Variants in DOCK1 observed in about 807,000 individuals in gnomAD.
The protein encoded by DOCK1 is dedicator of cytokinesis 1, also known as dedicator of cytokinesis protein 1.
In DOCK1, 138 loss-of-function variants were observed where a neutral mutation model predicts 262.7. That is an observed-to-expected ratio of 0.53 (90% CI 0.46 to 0.61). The LOEUF (loss-of-function observed/expected upper bound fraction) is 0.61, where lower values mean the gene tolerates loss of function less well. Among genes scored for constraint, DOCK1 ranks in the 20% least tolerant of loss-of-function variants. The pLI is 0.00. For missense variants in DOCK1, 1,908 were observed against 2,370.7 expected (o/e 0.80, Z 4.05); for synonymous variants, 866 against 867.4 (o/e 1.00, Z 0.03).
intron 39 of DOCK1, 69 bp downstream of exon 39, chr10:127,403,213 T>C: frequency 6.7e-7 from 1 of 1,483,804 alleles, no homozygotes; most frequent in Non-Finnish European, 9.2e-7. Context: ...GAATCTCTCT[T>C]TCCATGTCAA....
intron 23 of DOCK1, among the ~76,000 whole-genome samples, chr10:127,085,647 A>G (rs989344722): frequency 2.6e-5 from 4 of 152,058 alleles, no homozygotes; most frequent in East Asian, 1.9e-4. Context: ...AGTCTCAGCT[A>G]CTGGGGCGGC....
chr10:127,037,903 G>A, intron 19 of DOCK1, 87 bp downstream of exon 19: 1 of 1,074,824 alleles, frequency 9.3e-7, no homozygotes, highest in Non-Finnish European at 1.3e-6. Flanking sequence ...TGACTTCAAA[G>A]GTAGTATAGG....
intron 29 of DOCK1, among the ~76,000 whole-genome samples, chr10:127,270,747 A>G (rs2060532634): frequency 6.6e-6 from 1 of 151,968 alleles, no homozygotes. Flanking sequence ...TGTTCATTCT[A>G]CCTTTTTACA....
chr10:127,263,190 G>A (rs2060234432), intron 29 of DOCK1, among the ~76,000 whole-genome samples: 1 of 152,196 alleles, frequency 6.6e-6, no homozygotes, highest in Non-Finnish European at 1.5e-5. Flanking sequence ...ACCTTTAGAA[G>A]TGTATGCACC....
chr10:126,908,091 G>A lies in DOCK1; in HGVS notation c.46+2528G>A, dbSNP rs373619649. Among the ~76,000 whole-genome samples, 733 of 152,070 alleles carry A rather than the reference G, an allele frequency of 4.8e-3. 9 individuals are homozygous for A. The highest frequency in any genetic ancestry group is 0.032 in the South Asian group (152 of 4,810). On this transcript the variant is annotated intron_variant, in intron 1 of 51. Transcript: ENST00000623213. The stretch of plus-strand genomic sequence containing the variant: ...AGTAATGAGACAGCACCACTCCATC[G>A]GCATCCAGAGGCACTTTAACCAGAG...
chr10:127,263,994 G>A (rs559875684), intron 29 of DOCK1, among the ~76,000 whole-genome samples: 73 of 152,286 alleles, frequency 4.8e-4, no homozygotes, highest in East Asian at 1.2e-3. Flanking sequence ...CGAAGAAACC[G>A]TTTCTTATTA....
rs1415893961 is a variant in DOCK1, at chr10:127,409,045, T to G, written c.4131T>G (p.Val1377=). 3.2e-6 allele frequency: 5 copies of G among 1,583,516 alleles called. No homozygotes were observed. Among genetic ancestry groups the G allele is most frequent in the Non-Finnish European group, 4.3e-6 (5 of 1,163,580 alleles). The change falls in exon 41 of 52, where the codon GTT becomes GTG. Residue 1377 remains valine, a synonymous_variant. Transcript: ENST00000623213. ...AATGTCACCCTTTTCAGGGAAAAGT[T>G]TTCATTTACCGAGGGAAAGAGTATG... ...QGFPTFLRGK[V]FIYRGKEYER...
intron 29 of DOCK1, among the ~76,000 whole-genome samples, chr10:127,285,622 G>T (rs1304677062): frequency 6.6e-6 from 1 of 152,204 alleles, no homozygotes; most frequent in East Asian, 1.9e-4. Context: ...CCTTAGCAGG[G>T]AGCCATGTCC....
chr10:127,074,113 T>C (rs2046383652), intron 23 of DOCK1, among the ~76,000 whole-genome samples: 1 of 152,254 alleles, frequency 6.6e-6, no homozygotes, highest in Admixed American at 6.5e-5. Flanking sequence ...AGCTCTGTTA[T>C]ATTGAATACT....
intron 32 of DOCK1, among the ~76,000 whole-genome samples, chr10:127,359,441 G>A (rs1031005009): frequency 6.6e-6 from 1 of 152,142 alleles, no homozygotes; most frequent in Non-Finnish European, 1.5e-5. Flanking sequence ...ACTTTATGAC[G>A]CTGAAATTGT....
chr10:127,284,040 C>A (rs1476331026), intron 29 of DOCK1, among the ~76,000 whole-genome samples: 1 of 152,136 alleles, frequency 6.6e-6, no homozygotes, highest in Non-Finnish European at 1.5e-5. Flanking sequence ...TTTATTTTTA[C>A]TGAATTTTCA....
chr10:127,088,033 A>T (rs2047299801), intron 23 of DOCK1, among the ~76,000 whole-genome samples: 1 of 152,164 alleles, frequency 6.6e-6, no homozygotes, highest in African/African-American at 2.4e-5. Context: ...TTTGCTCTAA[A>T]TCATCTTTTA....
Position 127,343,721 on chromosome 10 carries a change from G to T in DOCK1, c.3199G>T (p.Ala1067Ser). 6.2e-7 allele frequency: 1 copy of T among 1,608,922 alleles called. No individual in the cohort carries two copies. Among genetic ancestry groups the T allele is most frequent in the Non-Finnish European group, 8.5e-7 (1 of 1,177,744 alleles). The change falls in exon 31 of 52, where the codon GCC (alanine) becomes TCC (serine). Residue 1067 changes from alanine to serine, a missense_variant. This residue lies in a region of DOCK1 where 518 missense variants were observed against 575.1 expected (regional missense o/e 0.90). Transcript: ENST00000623213. ...ESLQLENFSS[A>S]KRAKILNKYG... ...CCTGCAACTGGAGAATTTTTCAAGT[G>T]CCAAGAGAGCCAAAATCCTTAACAA... is the stretch of plus-strand genomic sequence containing the variant.
chr10:127,129,780 A>C (rs1017860197), intron 27 of DOCK1, among the ~76,000 whole-genome samples: 9 of 152,174 alleles, frequency 5.9e-5, no homozygotes, highest in African/African-American at 2.2e-4. Flanking sequence ...GGGCGGACTT[A>C]GAGAGGCTGG....
chr10:127,261,884 GC>G (rs1324647800), intron 29 of DOCK1, among the ~76,000 whole-genome samples: 2 of 129,558 alleles, frequency 1.5e-5, no homozygotes, highest in Non-Finnish European at 3.3e-5. Flanking sequence ...GTGTACCCGT[GC>G]TCATCTGTGT....
chr10:127,342,065 T>TTGCTGC (rs1317169392), intron 30 of DOCK1, among the ~76,000 whole-genome samples: 1 of 151,712 alleles, frequency 6.6e-6, no homozygotes, highest in Non-Finnish European at 1.5e-5. Flanking sequence ...TTTGTTGTTG[T>TTGCTGC]TGCTGCTGCT....
intron 1 of DOCK1, among the ~76,000 whole-genome samples, chr10:126,945,226 G>T (rs1372103102): frequency 6.6e-6 from 1 of 152,088 alleles, no homozygotes; most frequent in African/African-American, 2.4e-5. Flanking sequence ...GTCCACGGGG[G>T]ACAGAGTCAT....
Position 127,037,733 on chromosome 10 carries a change from C to T in DOCK1, c.1927C>T (p.Leu643Phe), listed in dbSNP as rs372475096. The T allele has an allele frequency of 6.3e-7, 1 of 1,590,800 alleles. No homozygotes were observed. The highest frequency in any genetic ancestry group is 8.6e-7 in the Non-Finnish European group (1 of 1,168,432). ...TCTGTTTCCAGTGGACCTTCTGGGG[C>T]TCTTGAAATGGCGCTCCAACACCAG... Reference protein sequence around the residue: ...KLTQNVDLLGLLKWRSNTSLL... With the variant: ...KLTQNVDLLGFLKWRSNTSLL... Residue 643 changes from leucine (L) to phenylalanine (F), a missense_variant, in exon 19 of 52, where the codon CTC (leucine) becomes TTC (phenylalanine). By Grantham distance (22) the Leu-to-Phe change is conservative. Around this residue, in one of 9 missense-constraint regions of DOCK1, gnomAD observed 294 missense variants for 439.9 expected, o/e 0.67. Transcript: ENST00000623213.
intron 23 of DOCK1, among the ~76,000 whole-genome samples, chr10:127,103,181 G>T (rs2048350262): frequency 6.6e-6 from 1 of 152,196 alleles, no homozygotes; most frequent in African/African-American, 2.4e-5. Flanking sequence ...CCTCTTGAAG[G>T]GACATTTGGG....
Sources: gnomAD v4.1 joint callset for allele counts (sites outside exome capture counted in the v4.1 genomes callset) on GRCh38, gnomAD v4.1.1 for gene constraint, gnomAD v4.1.1 regional missense constraint, MANE v1.5 for transcripts, NCBI Gene and HGNC (gene_info 2026-07-23, HGNC 2026-07-21) for gene names.